DSE: variants seen among roughly 807,000 people sequenced by gnomAD.
DSE encodes dermatan sulfate epimerase.
Under a neutral mutation model 84.4 loss-of-function variants are expected in DSE, and 36 were observed. The observed-to-expected ratio is 0.43, with a 90% CI of 0.33 to 0.56. DSE has a LOEUF of 0.56. Among genes scored for constraint, DSE ranks in the 20% least tolerant of loss-of-function variants. DSE has a pLI of 0.06. For missense variants in DSE, 862 were observed against 1,169.6 expected (o/e 0.74, Z 3.84); for synonymous variants, 410 against 430.1 (o/e 0.95, Z 0.58).
intron 2 of DSE, chr6:116,259,107 C>T: frequency 6.6e-7 from 1 of 1,506,610 alleles, no homozygotes; most frequent in South Asian, 1.2e-5. Flanking sequence ...CTGTCTCCCA[C>T]TCAGTCATCG....
At chr6:116,424,683 G>A (rs895166388) in intron 2 of DSE, among the ~76,000 whole-genome samples, 8 of 152,126 alleles carry the variant, frequency 5.3e-5, no homozygotes, top group Non-Finnish European at 8.8e-5. Flanking sequence ...AATTCTAGGA[G>A]GGGAAACATA....
At position 116,385,124 on chromosome 6, in the gene DSE, G is replaced by C. The variant is rs527741634; in HGVS notation, c.-54+14003G>C. On this transcript the variant is annotated intron_variant, in intron 1 of 5. Transcript: ENST00000644252. ...GCGCTGAGGAGGGAGCTCACCTCAT[G>C]TATACAGGAATAATAGAGGCCAACA... 2.0e-5 allele frequency among the ~76,000 whole-genome samples: 3 copies of C among 152,304 alleles called. No individual in the cohort carries two copies. In the East Asian group the frequency reaches 5.8e-4, roughly 29 times the overall value.
intron 2 of DSE, among the ~76,000 whole-genome samples, chr6:116,263,043 A>G (rs1171344222): frequency 6.6e-6 from 1 of 152,150 alleles, no homozygotes; most frequent in African/African-American, 2.4e-5. Flanking sequence ...TATGTGATCA[A>G]TTTTAGAGTA....
upstream of DSE, among the ~76,000 whole-genome samples, chr6:116,370,707 G>T (rs1779481138): frequency 6.6e-6 from 1 of 151,976 alleles, no homozygotes; most frequent in Non-Finnish European, 1.5e-5. Context: ...TGGCGTGGAA[G>T]GCCGAGCACA....
rs148757433 is a variant in DSE, at chr6:116,420,810, A to G, written c.417-5764A>G. 8.3e-4 allele frequency among the ~76,000 whole-genome samples: 127 copies of G among 152,338 alleles called. 1 individual carries two copies. The highest frequency in any genetic ancestry group is 2.9e-3 in the African/African-American group (121 of 41,578). On this transcript the variant is annotated intron_variant, in intron 2 of 5. Transcript: ENST00000644252. ...AAGCATTTAATCACTTGCAGTTCAA[A>G]TCTATACCAATAAAAATAGATAGCA...
intron 2 of DSE, among the ~76,000 whole-genome samples, chr6:116,420,302 T>C (rs1782987073): frequency 1.3e-5 from 2 of 152,170 alleles, no homozygotes; most frequent in Admixed American, 6.5e-5. Context: ...TAACCCCTTA[T>C]GTGGAAGTAT....
At chr6:116,364,957 CTGAG>C (rs1176000569) in intron 2 of DSE, among the ~76,000 whole-genome samples, 3 of 151,602 alleles carry the variant, frequency 2.0e-5, no homozygotes, top group Admixed American at 2.0e-4. Flanking sequence ...CCTCAGCCTC[CTGAG>C]TAACTGGGAT....
At chr6:116,350,596 A>G (rs975014917) in intron 2 of DSE, among the ~76,000 whole-genome samples, 26 of 152,200 alleles carry the variant, frequency 1.7e-4, no homozygotes, top group Admixed American at 3.9e-4. Context: ...ACAATTGTCT[A>G]TTCTTTGAGG....
intron 2 of DSE, among the ~76,000 whole-genome samples, chr6:116,351,365 A>G (rs948520694): frequency 6.6e-6 from 1 of 152,178 alleles, no homozygotes. Flanking sequence ...TGAGTATAGT[A>G]GAAGGTAAAA....
chr6:116,382,977 T>C (rs1022693718), intron 1 of DSE, among the ~76,000 whole-genome samples: 4 of 152,188 alleles, frequency 2.6e-5, no homozygotes, highest in Admixed American at 2.0e-4. Context: ...CTAGAGTCAT[T>C]TAGAGAACTA....
intron 2 of DSE, among the ~76,000 whole-genome samples, chr6:116,317,509 G>A (rs1776054598): frequency 6.6e-6 from 1 of 152,208 alleles, no homozygotes; most frequent in South Asian, 2.1e-4. Context: ...TCTAACCCAT[G>A]TGGATAATTT....
chr6:116,421,090 A>G (rs1051271807), intron 2 of DSE, among the ~76,000 whole-genome samples: 1 of 152,156 alleles, frequency 6.6e-6, no homozygotes, highest in Admixed American at 6.5e-5. Flanking sequence ...GACACAGCAC[A>G]TCATGACCAA....
intron 2 of DSE, among the ~76,000 whole-genome samples, chr6:116,337,466 C>T (rs1052577978): frequency 2.6e-5 from 4 of 151,960 alleles, no homozygotes; most frequent in Admixed American, 1.3e-4. Context: ...AAAAATTAGC[C>T]GGGTGTGGTG....
intron 2 of DSE, chr6:116,259,374 A>G (rs1224405736): frequency 3.5e-6 from 1 of 285,688 alleles, no homozygotes; most frequent in Non-Finnish European, 6.6e-6. Context: ...GGTACTAGAG[A>G]CATAAGCAGC....
rs59237926 is a variant in DSE at position 116,416,349 on chromosome 6, C to CTGTGTGTGTG, written c.417-10187_417-10178dup. ...ACAGGTTCTAAACAGCTAATTGCCA[C>CTGTGTGTGTG]TGTGTGTGTGTGTGTGTGTGTGTGT... On this transcript the variant is annotated intron_variant, in intron 2 of 5. Transcript: ENST00000644252. Among the ~76,000 whole-genome samples, 1,195 of 134,006 alleles carry CTGTGTGTGTG rather than the reference C, an allele frequency of 8.9e-3. 13 individuals carry two copies. The highest frequency in any genetic ancestry group is 0.032 in the East Asian group (144 of 4,432). 87.9% of individuals were successfully genotyped at this position (134,006 alleles called of 152,430 possible).
intron 2 of DSE, among the ~76,000 whole-genome samples, chr6:116,345,058 A>C (rs987452840): frequency 6.6e-6 from 1 of 152,244 alleles, no homozygotes. Flanking sequence ...GATCAATTCA[A>C]CAAGAAGAGC....
At chr6:116,298,822 G>C (rs911076190) in intron 2 of DSE, among the ~76,000 whole-genome samples, 2 of 152,168 alleles carry the variant, frequency 1.3e-5, no homozygotes, top group African/African-American at 4.8e-5. Flanking sequence ...CATTCTGATA[G>C]GTGGGACATG....
intron 1 of DSE, among the ~76,000 whole-genome samples, chr6:116,389,236 T>C (rs1332155542): frequency 6.6e-6 from 1 of 152,170 alleles, no homozygotes; most frequent in African/African-American, 2.4e-5. Flanking sequence ...AGGGAGGTAC[T>C]ATTATTTGAT....
chr6:116,259,083 C>T, intron 2 of DSE: 6 of 1,546,552 alleles, frequency 3.9e-6, no homozygotes, highest in South Asian at 1.1e-5. Flanking sequence ...GGGTCTCTGC[C>T]ACTGCTGGTG....
Sources: allele counts gnomAD v4.1 joint callset (sites outside exome capture counted in the v4.1 genomes callset), GRCh38; gene constraint gnomAD v4.1.1; transcripts MANE v1.5; gene names NCBI Gene and HGNC (gene_info 2026-07-23, HGNC 2026-07-21).